The following VWA8 variants were observed in gnomAD, a reference collection of about 807,000 sequenced individuals.
VWA8 encodes von Willebrand factor A domain-containing protein 8.
In VWA8, 221 loss-of-function variants were observed where a neutral mutation model predicts 241.5. The observed-to-expected ratio is 0.91, with a 90% CI of 0.82 to 1.02. The LOEUF is 1.02. Ranked by LOEUF, VWA8 falls within the 50% of genes least tolerant of loss-of-function variation. VWA8 has a pLI of 0.00. For missense variants in VWA8, 2,322 were observed against 2,328.7 expected (o/e 1.00, Z 0.06); for synonymous variants, 852 against 827.1 (o/e 1.03, Z -0.52).
At chr13:41,761,622 C>T (rs577844669) in intron 20 of VWA8, among the ~76,000 whole-genome samples, 3 of 152,186 alleles carry the variant, frequency 2.0e-5, no homozygotes, top group South Asian at 4.1e-4. Flanking sequence ...TTTTCAGTTA[C>T]AGAAAGGTAA....
chr13:41,605,840 C>T (rs2044550360), intron 39 of VWA8, among the ~76,000 whole-genome samples: 1 of 152,124 alleles, frequency 6.6e-6, no homozygotes, highest in Non-Finnish European at 1.5e-5. Flanking sequence ...AAATTGCTGA[C>T]AGTGTAATTT....
intron 21 of VWA8, among the ~76,000 whole-genome samples, chr13:41,759,147 A>G (rs1252973610): frequency 6.6e-6 from 1 of 151,632 alleles, no homozygotes; most frequent in Non-Finnish European, 1.5e-5. Context: ...GTCTGCTGAT[A>G]AAAAAACTCA....
Position 41,579,910 on chromosome 13 carries a change from G to A in VWA8, c.5272-4072C>T, listed in dbSNP as rs115306566. On this transcript the variant is annotated intron_variant, in intron 42 of 44. Transcript: ENST00000379310. ...TGGCCAGACTGGAATGCACTGGTAC[G>A]ATCACAGCTCACTGCAGCCTCAACC... is the stretch of plus-strand genomic sequence containing the variant. 1.1e-3 allele frequency among the ~76,000 whole-genome samples: 170 copies of A among 152,204 alleles called. 1 individual carries two copies. Among genetic ancestry groups the A allele is most frequent in the African/African-American group, 3.9e-3 (162 of 41,516 alleles).
At chr13:41,791,808 G>A (rs2137948951) in intron 17 of VWA8, among the ~76,000 whole-genome samples, 1 of 151,882 alleles carries the variant, frequency 6.6e-6, no homozygotes, top group East Asian at 1.9e-4. Flanking sequence ...CAGATGGGCT[G>A]TTTCCAATTC....
At chr13:41,753,755 C>A (rs1434833467) in intron 21 of VWA8, among the ~76,000 whole-genome samples, 1 of 152,126 alleles carries the variant, frequency 6.6e-6, no homozygotes. Context: ...GCCCTTATAA[C>A]TAATTTGTTC....
intron 2 of VWA8, among the ~76,000 whole-genome samples, chr13:41,924,032 CATA>C (rs1385795687): frequency 2.0e-5 from 3 of 151,946 alleles, no homozygotes; most frequent in African/African-American, 7.3e-5. Flanking sequence ...ACCAAAGGAA[CATA>C]ATAATTCCCC....
chr13:41,595,178 C>T (rs1204903623), intron 40 of VWA8, among the ~76,000 whole-genome samples: 1 of 152,166 alleles, frequency 6.6e-6, no homozygotes, highest in Non-Finnish European at 1.5e-5. Flanking sequence ...CACCATCATG[C>T]AAGAATCCAG....
At chr13:41,719,396 T>C (rs2045367338) in intron 26 of VWA8, 195 bp downstream of exon 26, 4 of 1,409,418 alleles carry the variant, frequency 2.8e-6, no homozygotes, top group Non-Finnish European at 3.7e-6. Context: ...TACATAATAA[T>C]CAAAATTTTC....
intron 14 of VWA8, among the ~76,000 whole-genome samples, chr13:41,826,258 G>T (rs1871165195): frequency 6.6e-6 from 1 of 152,070 alleles, no homozygotes; most frequent in Admixed American, 6.6e-5. Flanking sequence ...AAAAATTACA[G>T]ATAAGGAAAG....
chr13:41,907,546 T>C, intron 4 of VWA8, 40 bp downstream of exon 4: 4 of 1,555,494 alleles, frequency 2.6e-6, no homozygotes, highest in Non-Finnish European at 3.6e-6. Context: ...TGTATAGACC[T>C]GGAGTACACA....
rs142990862 is a variant in VWA8 at position 41,950,057 on chromosome 13, G to A, written c.164-44C>T. On this transcript the variant is annotated intron_variant, in intron 1 of 44. Coordinates refer to ENST00000379310, the MANE Select transcript of VWA8 (RefSeq NM_015058.2). ...AACAGAATAATTATAAGAGACAAAC[G>A]AGAAAACCATAGACTATGCAACAAT... 2.6e-4 allele frequency: 321 copies of A among 1,247,416 alleles called. 4 individuals are homozygous for A. Among genetic ancestry groups the A allele is most frequent in the Admixed American group, 2.2e-5 (1 of 45,506 alleles). 77.3% of individuals were successfully genotyped at this position (1,247,416 alleles called of 1,614,324 possible). A position where few individuals can be genotyped will look rare whatever the true frequency, so the allele number is the denominator to read the frequency against.
intron 44 of VWA8, 24 bp downstream of exon 44, chr13:41,570,444 T>C (rs2044292744): frequency 1.2e-6 from 2 of 1,601,934 alleles, no homozygotes; most frequent in Middle Eastern, 1.7e-4. Flanking sequence ...CCTGCCCTTT[T>C]CTGTATGCTC....
At chr13:41,702,028 A>G (rs750221275) in intron 27 of VWA8, among the ~76,000 whole-genome samples, 12 of 152,214 alleles carry the variant, frequency 7.9e-5, no homozygotes, top group Non-Finnish European at 1.8e-4. Flanking sequence ...TAAAAAACCA[A>G]ACTTACTGAT....
chr13:41,920,456 T>C (rs1457568388), intron 2 of VWA8, among the ~76,000 whole-genome samples: 3 of 151,790 alleles, frequency 2.0e-5, no homozygotes, highest in Non-Finnish European at 4.4e-5. Context: ...CTGAAGAAGA[T>C]AGAGACACAA....
chr13:41,853,990 ATC>A (rs1383831276), intron 12 of VWA8, among the ~76,000 whole-genome samples: 1 of 152,160 alleles, frequency 6.6e-6, no homozygotes, highest in Non-Finnish European at 1.5e-5. Context: ...ATATTTTAAT[ATC>A]TCTGAAATCA....
At chr13:41,816,811 A>G (rs1870718039) in intron 15 of VWA8, 36 bp from the exon 16 acceptor site, 14 of 1,445,008 alleles carry the variant, frequency 9.7e-6, no homozygotes, top group Non-Finnish European at 1.4e-5. Context: ...AACAGAAGGA[A>G]TAAATCGGGA....
At chr13:41,609,895 C>T (rs2044576509) in intron 39 of VWA8, among the ~76,000 whole-genome samples, 1 of 152,172 alleles carries the variant, frequency 6.6e-6, no homozygotes, top group African/African-American at 2.4e-5. Context: ...CTTACATCCG[C>T]TAAATTCATT....
intron 2 of VWA8, among the ~76,000 whole-genome samples, chr13:41,943,932 G>A (rs1003385861): frequency 5.9e-5 from 9 of 151,864 alleles, no homozygotes; most frequent in African/African-American, 1.9e-4. Flanking sequence ...GTAAAACCCT[G>A]TCTCTACTAA....
At chr13:41,823,106 A>C (rs749049452) in intron 14 of VWA8, among the ~76,000 whole-genome samples, 29 of 152,192 alleles carry the variant, frequency 1.9e-4, no homozygotes, top group Non-Finnish European at 3.8e-4. Flanking sequence ...AAAATCCTGG[A>C]TCTATCTAGA....
Sources: gnomAD v4.1 joint callset for allele counts (sites outside exome capture counted in the v4.1 genomes callset) on GRCh38, gnomAD v4.1.1 for gene constraint, MANE v1.5 for transcripts, NCBI Gene and HGNC (gene_info 2026-07-23, HGNC 2026-07-21) for gene names.